The following FEM1C variants were observed in gnomAD, a reference collection of about 807,000 sequenced individuals.
FEM1C encodes the protein fem-1 homolog C, also known as protein fem-1 homolog C.
In FEM1C, 15 loss-of-function variants were observed where a neutral mutation model predicts 37.6. The ratio of observed to expected loss-of-function variants is 0.40; its 90% confidence interval spans 0.27 to 0.61. The LOEUF (loss-of-function observed/expected upper bound fraction) is 0.61, where lower values mean the gene tolerates loss of function less well. FEM1C is among the 20% of genes least tolerant of loss of function. FEM1C has a pLI of 0.42. For synonymous variants in FEM1C, 287 were observed against 272.8 expected (o/e 1.05, Z -0.51); for missense variants, 532 against 749.7 (o/e 0.71, Z 3.39).
intron 2 of FEM1C, among the ~76,000 whole-genome samples, chr5:115,528,595 C>T (rs749084121): frequency 1.8e-4 from 28 of 152,018 alleles, no homozygotes; most frequent in Non-Finnish European, 3.7e-4. Context: ...GACTAGTATA[C>T]AGAATTAAAA....
chr5:115,537,345 G>A (rs1409395995), intron 2 of FEM1C, among the ~76,000 whole-genome samples: 3 of 152,008 alleles, frequency 2.0e-5, no homozygotes, highest in African/African-American at 4.8e-5. Flanking sequence ...TAAGTGAAAC[G>A]TAACTTCTAT....
chr5:115,537,074 T>C (rs993282026), intron 2 of FEM1C, among the ~76,000 whole-genome samples: 12 of 152,110 alleles, frequency 7.9e-5, no homozygotes, highest in South Asian at 4.1e-4. Context: ...CAATCACAGC[T>C]CTTCCCAAAG....
At chr5:115,536,881 C>A (rs1235719880) in intron 2 of FEM1C, among the ~76,000 whole-genome samples, 2 of 151,790 alleles carry the variant, frequency 1.3e-5, no homozygotes, top group African/African-American at 4.8e-5. Flanking sequence ...ATTCTTATAA[C>A]CTGAGGGAGA....
chr5:115,521,780 T>G lies in FEM1C; in HGVS notation c.*2528A>C, dbSNP rs1753781308. ...TTTAAGTATTTTATTATAATCCATC[T>G]CATAATTGTGAGAATACTTTCTGAC... On this transcript the variant is annotated 3_prime_UTR_variant, in exon 3 of 3. Transcript: ENST00000274457. 1 of 151,900 alleles carries G rather than the reference T, an allele frequency of 6.6e-6. No homozygotes were observed. Among genetic ancestry groups the G allele is most frequent in the South Asian group, 2.1e-4 (1 of 4,838 alleles). 9.4% of individuals were successfully genotyped at this position (151,900 alleles called of 1,614,324 possible).
At position 115,521,071 on chromosome 5, in the gene FEM1C, A is replaced by C. The variant is rs1274996413; in HGVS notation, c.*3237T>G. 4.0e-5 allele frequency: 6 copies of C among 150,110 alleles called. No homozygotes were observed. Among genetic ancestry groups the C allele is most frequent in the African/African-American group, 1.5e-4 (6 of 40,646 alleles). 9.3% of individuals were successfully genotyped at this position (150,110 alleles called of 1,614,324 possible). On this transcript the variant is annotated 3_prime_UTR_variant, in exon 3 of 3. Transcript: ENST00000274457. ...AGAGAAACTAGTTGTTTAGTGACAC[A>C]TAAGGGCAAAAAAAAAAAAAAGAAA... is the stretch of plus-strand genomic sequence containing the variant.
intron 2 of FEM1C, among the ~76,000 whole-genome samples, chr5:115,541,464 T>C (rs1021688508): frequency 2.6e-5 from 4 of 152,138 alleles, no homozygotes; most frequent in African/African-American, 7.2e-5. Context: ...TGCCCCATAA[T>C]TGTGTGGTTT....
chr5:115,535,252 C>A (rs1754100064), intron 2 of FEM1C, among the ~76,000 whole-genome samples: 1 of 136,756 alleles, frequency 7.3e-6, no homozygotes. Flanking sequence ...AATAAAAATC[C>A]AAATTGGTAT....
rs1302830296 is a variant in FEM1C, at chr5:115,524,951, G to A, written c.1211C>T (p.Thr404Ile). Residue 404 changes from threonine (T) to isoleucine (I), a missense_variant, in exon 3 of 3, where the codon ACT (threonine) becomes ATT (isoleucine). This residue lies in a region of FEM1C where 237 missense variants were observed against 260.5 expected (regional missense o/e 0.91). Coordinates refer to ENST00000274457, the MANE Select transcript of FEM1C (RefSeq NM_020177.3). ...CATAAGATCATCAAATGTAACAGTA[G>A]TACCCAGCAGGCCTTTAGCCCTATC... The part of the protein sequence containing the change: ...LQDRAKGLLG[T>I]TVTFDDLMGI... 3.7e-6 allele frequency: 6 copies of A among 1,613,626 alleles called. No homozygotes were observed. The highest frequency in any genetic ancestry group is 5.1e-6 in the Non-Finnish European group (6 of 1,179,848).
In FEM1C at chr5:115,544,677, C is replaced by G. The variant is rs1413542094; in HGVS notation, c.-345G>C. 1 of 153,104 alleles carries G rather than the reference C, an allele frequency of 6.5e-6. No individual in the cohort carries two copies. Among genetic ancestry groups the G allele is most frequent in the Non-Finnish European group, 1.5e-5 (1 of 68,748 alleles). 9.5% of individuals were successfully genotyped at this position (153,104 alleles called of 1,614,324 possible). On this transcript the variant is annotated 5_prime_UTR_variant, in exon 1 of 3. Transcript: ENST00000274457. The stretch of plus-strand genomic sequence containing the variant: ...TGCTCCGCGCCCCAAAGGAATGAAT[C>G]CGGCCGCGCTGTTCGCCACGCCCCG...
intron 2 of FEM1C, among the ~76,000 whole-genome samples, chr5:115,537,429 G>C (rs1315466919): frequency 6.6e-6 from 1 of 151,962 alleles, no homozygotes; most frequent in African/African-American, 2.4e-5. Flanking sequence ...TCACCAAACT[G>C]CTCAATTCTG....
rs998375992 is a variant in FEM1C, at chr5:115,543,687, GAGAAAGAA to G, written c.-190-12_-190-5del. 6.2e-4 allele frequency: 824 copies of G among 1,338,668 alleles called. 1 individual carries two copies. The highest frequency in any genetic ancestry group is 7.3e-4 in the Non-Finnish European group (767 of 1,049,720). The allele number at this position is 1,338,668 out of a possible 1,614,324, so 82.9% of individuals were successfully genotyped here. A position where few individuals can be genotyped will look rare whatever the true frequency, so the allele number is the denominator to read the frequency against. ...ATCTGACAACCAGGGCACCAAACTA[GAGAAAGAA>G]AAAAAAAGTAGCAGCATTTAATTTT... On this transcript the variant is annotated splice_polypyrimidine_tract_variant and splice_region_variant and intron_variant, in intron 1 of 2. Coordinates refer to ENST00000274457, the MANE Select transcript of FEM1C (RefSeq NM_020177.3).
chr5:115,544,231 T>C (rs1373235045), intron 1 of FEM1C: 4 of 963,066 alleles, frequency 4.2e-6, no homozygotes, highest in African/African-American at 1.8e-5. Flanking sequence ...CTTTTAGTCA[T>C]TAACTTCGCC....
chr5:115,536,476 T>G (rs1278640205), intron 2 of FEM1C, among the ~76,000 whole-genome samples: 2 of 151,742 alleles, frequency 1.3e-5, no homozygotes, highest in Non-Finnish European at 2.9e-5. Flanking sequence ...GAGGATAGGG[T>G]GTGTGGTTCA....
intron 2 of FEM1C, among the ~76,000 whole-genome samples, chr5:115,535,420 A>G (rs1460225547): frequency 6.6e-6 from 1 of 151,970 alleles, no homozygotes; most frequent in Non-Finnish European, 1.5e-5. Flanking sequence ...AAACATGCAA[A>G]GGTTAATGAA....
In FEM1C at chr5:115,544,533, A is replaced by C. The variant is rs895625174; in HGVS notation, c.-201T>G. The C allele has an allele frequency of 1.3e-5, 2 of 154,028 alleles. No individual in the cohort carries two copies. Among genetic ancestry groups the C allele is most frequent in the Admixed American group, 6.5e-5 (1 of 15,296 alleles). The allele number at this position is 154,028 out of a possible 1,614,324, so 9.5% of individuals were successfully genotyped here. On this transcript the variant is annotated 5_prime_UTR_variant, in exon 1 of 3. Transcript: ENST00000274457. ...TGCCGCCGCCACTACCTGCCCGGGG[A>C]CTAGTCCTCCCCGCCGCCGCTGGTC...
rs1296043794 is a variant in FEM1C at position 115,522,210 on chromosome 5, T to C, written c.*2098A>G. 6.7e-6 allele frequency: 1 copy of C among 148,690 alleles called. No homozygotes were observed. The highest frequency in any genetic ancestry group is 1.5e-5 in the Non-Finnish European group (1 of 67,016). 9.2% of individuals were successfully genotyped at this position (148,690 alleles called of 1,614,324 possible). ...TCCTCAAATTATCGAGATCAACTAA[T>C]GTAATTTACTATAATGGCAAAGTTT... On this transcript the variant is annotated 3_prime_UTR_variant, in exon 3 of 3. Transcript: ENST00000274457.
chr5:115,521,780 T>C lies in FEM1C; in HGVS notation c.*2528A>G, dbSNP rs1753781308. ...TTTAAGTATTTTATTATAATCCATC[T>C]CATAATTGTGAGAATACTTTCTGAC... On this transcript the variant is annotated 3_prime_UTR_variant, in exon 3 of 3. Coordinates refer to ENST00000274457, the MANE Select transcript of FEM1C (RefSeq NM_020177.3). 6.6e-6 allele frequency: 1 copy of C among 152,018 alleles called. No individual in the cohort carries two copies. Among genetic ancestry groups the C allele is most frequent in the Non-Finnish European group, 1.5e-5 (1 of 67,826 alleles). 9.4% of individuals were successfully genotyped at this position (152,018 alleles called of 1,614,324 possible). A position where few individuals can be genotyped will look rare whatever the true frequency, so the allele number is the denominator to read the frequency against.
At chr5:115,541,813 C>T (rs970481633) in intron 2 of FEM1C, among the ~76,000 whole-genome samples, 15 of 152,072 alleles carry the variant, frequency 9.9e-5, no homozygotes, top group Admixed American at 7.2e-4. Context: ...AACCACTAGA[C>T]GGAGGGCTAC....
intron 2 of FEM1C, among the ~76,000 whole-genome samples, chr5:115,537,869 TAG>T (rs1332374887): frequency 2.0e-5 from 3 of 152,058 alleles, no homozygotes; most frequent in Non-Finnish European, 2.9e-5. Flanking sequence ...TAAAATAACC[TAG>T]AATGACATCA....
Sources: gnomAD v4.1 joint callset for allele counts (sites outside exome capture counted in the v4.1 genomes callset) on GRCh38, gnomAD v4.1.1 for gene constraint, gnomAD v4.1.1 regional missense constraint, MANE v1.5 for transcripts, NCBI Gene and HGNC (gene_info 2026-07-23, HGNC 2026-07-21) for gene names.